Variants in DMD observed in about 807,000 individuals in gnomAD.
DMD encodes the protein mutant dystrophin.
DMD carries 63 observed loss-of-function variants against 330.1 expected under a neutral mutation model. The observed-to-expected ratio is 0.19, with a 90% confidence interval of 0.16 to 0.24. The LOEUF (loss-of-function observed/expected upper bound fraction) is 0.24, where lower values mean the gene tolerates loss of function less well. Among genes scored for constraint, DMD ranks in the 10% least tolerant of loss-of-function variants. DMD has a pLI of 1.00. For missense variants in DMD, 3,344 were observed against 2,684.1 expected (o/e 1.25, Z -5.43); for synonymous variants, 1,223 against 959.8 (o/e 1.27, Z -5.07).
intron 3 of DMD, among the ~76,000 whole-genome samples, chrX:32,848,999 G>T (rs1812750840): frequency 9.0e-6 from 1 of 111,435 alleles, no homozygotes. Flanking sequence ...GTCTGTGTGT[G>T]TATGTGCATG....
Position 32,011,462 on chromosome X carries a change from A to G in DMD, c.6439-42948T>C, listed in dbSNP as rs1027850899. The stretch of plus-strand genomic sequence containing the variant: ...CTACATTTCCCAGACTCATATGCCA[A>G]TGGACTTCTCTGGATGGAATACGTC... On this transcript the variant is annotated intron_variant, in intron 44 of 78. Transcript: ENST00000357033. Among the ~76,000 whole-genome samples, 8 of 112,032 alleles carry G rather than the reference A, an allele frequency of 7.1e-5. 1 individual carries two copies. The highest frequency in any genetic ancestry group is 2.8e-4 in the East Asian group (1 of 3,565).
intron 52 of DMD, among the ~76,000 whole-genome samples, chrX:31,719,608 T>G (rs772925697): frequency 8.9e-6 from 1 of 111,771 alleles, no homozygotes; most frequent in Non-Finnish European, 1.9e-5. Flanking sequence ...CCTGTACACA[T>G]GTAGGATAAA....
chrX:32,403,759 G>A (rs898851637), intron 30 of DMD, among the ~76,000 whole-genome samples: 2 of 111,977 alleles, frequency 1.8e-5, no homozygotes, highest in African/African-American at 6.5e-5. Context: ...ACTGGGCTGT[G>A]TAAAAAGAAA....
At chrX:31,719,270 T>A (rs2066321854) in intron 52 of DMD, among the ~76,000 whole-genome samples, 1 of 111,899 alleles carries the variant, frequency 8.9e-6, no homozygotes, top group Non-Finnish European at 1.9e-5. Context: ...TTTCCTCTAA[T>A]CCAGAAATCA....
At chrX:32,323,601 T>C (rs2097633057) in intron 41 of DMD, among the ~76,000 whole-genome samples, 1 of 111,678 alleles carries the variant, frequency 9.0e-6, no homozygotes, top group Non-Finnish European at 1.9e-5. Flanking sequence ...GATGAGGGCA[T>C]TGTTCTTATT....
intron 50 of DMD, among the ~76,000 whole-genome samples, chrX:31,792,496 G>C (rs749926113): frequency 8.9e-6 from 1 of 112,076 alleles, no homozygotes; most frequent in African/African-American, 3.2e-5. Flanking sequence ...GTTTTCTGTC[G>C]TGTCTTTGAT....
At chrX:32,123,689 G>T (rs1319534830) in intron 44 of DMD, among the ~76,000 whole-genome samples, 3 of 111,602 alleles carry the variant, frequency 2.7e-5, no homozygotes, top group Non-Finnish European at 5.6e-5. Context: ...GTGTGAATCC[G>T]CTTTCTTATG....
At chrX:32,086,520 T>C (rs2096440174) in intron 44 of DMD, among the ~76,000 whole-genome samples, 2 of 111,415 alleles carry the variant, frequency 1.8e-5, no homozygotes, top group African/African-American at 6.5e-5. Context: ...AATACATTAA[T>C]TGGCATTCAT....
chrX:32,721,158 A>G (rs1216521754), intron 7 of DMD, among the ~76,000 whole-genome samples: 4 of 111,006 alleles, frequency 3.6e-5, no homozygotes, highest in Admixed American at 1.9e-4. Context: ...TCATAACGCA[A>G]TGAACATGAG....
intron 16 of DMD, among the ~76,000 whole-genome samples, chrX:32,556,088 G>A (rs228414): frequency 1.8e-5 from 2 of 111,137 alleles, no homozygotes; most frequent in African/African-American, 3.3e-5. Context: ...ATGGTCCAGA[G>A]TCTACAAGGA....
chrX:31,607,432 G>C (rs2077667347), intron 55 of DMD, among the ~76,000 whole-genome samples: 1 of 112,006 alleles, frequency 8.9e-6, no homozygotes, highest in African/African-American at 3.2e-5. Context: ...CCAGAATTTT[G>C]AGCAATCAAA....
intron 78 of DMD, among the ~76,000 whole-genome samples, chrX:31,122,238 TC>T (rs2032742876): frequency 8.9e-6 from 1 of 112,194 alleles, no homozygotes; most frequent in Non-Finnish European, 1.9e-5. Flanking sequence ...TCAAAAGAAT[TC>T]CATAGATAAG....
intron 62 of DMD, among the ~76,000 whole-genome samples, chrX:31,296,828 C>T (rs1403784807): frequency 9.0e-6 from 1 of 111,583 alleles, no homozygotes; most frequent in East Asian, 2.8e-4. Context: ...TATCCTTTAG[C>T]TTTTATATTC....
intron 2 of DMD, among the ~76,000 whole-genome samples, chrX:32,913,360 T>C (rs2087475890): frequency 8.9e-6 from 1 of 112,438 alleles, no homozygotes; most frequent in Non-Finnish European, 1.9e-5. Flanking sequence ...CCTAAGTACA[T>C]AACATCAAAC....
chrX:32,000,465 G>A (rs1364137928), intron 44 of DMD, among the ~76,000 whole-genome samples: 4 of 112,095 alleles, frequency 3.6e-5, no homozygotes, highest in Non-Finnish European at 7.5e-5. Flanking sequence ...CAATAAGCAT[G>A]AGAAATCCAA....
intron 52 of DMD, among the ~76,000 whole-genome samples, chrX:31,721,710 C>CCA (rs1167604652): frequency 0.06 from 3,270 of 54,604 alleles, 230 homozygotes; most frequent in African/African-American, 0.24. Context: ...CTCTCTCTCT[C>CCA]TCTCTCTCTA....
chrX:33,227,502 G>A (rs1006865266), intron 1 of DMD, among the ~76,000 whole-genome samples: 4 of 110,880 alleles, frequency 3.6e-5, no homozygotes, highest in Non-Finnish European at 5.7e-5. Flanking sequence ...CCTAAAGCTC[G>A]AGGCTATTCT....
chrX:33,302,450 T>G (rs2053679669), intron 1 of DMD, among the ~76,000 whole-genome samples: 1 of 112,267 alleles, frequency 8.9e-6, no homozygotes, highest in Non-Finnish European at 1.9e-5. Flanking sequence ...AAAAATAAAT[T>G]TAAAATTAAA....
At chrX:32,267,667 G>C (rs28444831) in intron 43 of DMD, among the ~76,000 whole-genome samples, 1 of 111,882 alleles carries the variant, frequency 8.9e-6, no homozygotes, top group East Asian at 2.8e-4. Context: ...CAGGAGACTT[G>C]AAAAAATCTT....
Sources: gnomAD v4.1 joint callset for allele counts (sites outside exome capture counted in the v4.1 genomes callset) on GRCh38, gnomAD v4.1.1 for gene constraint, MANE v1.5 for transcripts, NCBI Gene and HGNC (gene_info 2026-07-23, HGNC 2026-07-21) for gene names.